GTF2IRD1: variants seen among roughly 807,000 people sequenced by gnomAD.
GTF2IRD1 encodes GTF2I repeat domain containing 1, also known as general transcription factor II-I repeat domain-containing protein 1.
A neutral mutation model predicts 113.2 loss-of-function variants in GTF2IRD1; 26 were observed. The observed-to-expected ratio is 0.23, with a 90% CI of 0.17 to 0.32. GTF2IRD1 has a LOEUF of 0.32. Ranked by LOEUF, GTF2IRD1 falls within the 10% of genes least tolerant of loss-of-function variation. The pLI is 1.00. For synonymous variants in GTF2IRD1, 484 were observed against 529.1 expected (o/e 0.91, Z 1.17); for missense variants, 864 against 1,280.8 (o/e 0.67, Z 4.97).
At chr7:74,542,975 G>C (rs1179003716) in intron 14 of GTF2IRD1, among the ~76,000 whole-genome samples, 3 of 152,148 alleles carry the variant, frequency 2.0e-5, no homozygotes, top group Non-Finnish European at 4.4e-5. Context: ...TCCCATGCAG[G>C]GTTCCTTCCC....
chr7:74,510,950 G>A (rs1297297143), intron 2 of GTF2IRD1, among the ~76,000 whole-genome samples: 6 of 151,932 alleles, frequency 3.9e-5, no homozygotes, highest in South Asian at 2.1e-4. Context: ...TCGGGAGGCC[G>A]AGGCAGGAGA....
intron 22 of GTF2IRD1, among the ~76,000 whole-genome samples, chr7:74,569,459 G>C (rs587749670): frequency 1.3e-5 from 2 of 152,314 alleles, no homozygotes; most frequent in South Asian, 2.1e-4. Flanking sequence ...TGGCCAGGTG[G>C]GGTTGTGCAG....
intron 1 of GTF2IRD1, among the ~76,000 whole-genome samples, chr7:74,497,322 G>T (rs1417661527): frequency 1.3e-5 from 2 of 152,136 alleles, no homozygotes; most frequent in African/African-American, 4.8e-5. Context: ...GAGTGCAGTT[G>T]CACAGTCACA....
intron 25 of GTF2IRD1, among the ~76,000 whole-genome samples, chr7:74,596,473 AAAAG>A (rs1802419883): frequency 6.6e-6 from 1 of 150,822 alleles, no homozygotes; most frequent in Non-Finnish European, 1.5e-5. Flanking sequence ...AAAAAAAAAA[AAAAG>A]AAAAAGAAAA....
chr7:74,468,676 C>CTCTG (rs1793889456), intron 1 of GTF2IRD1, among the ~76,000 whole-genome samples: 1 of 129,400 alleles, frequency 7.7e-6, no homozygotes, highest in Admixed American at 8.3e-5. Flanking sequence ...AAAAAAAAAA[C>CTCTG]TGTGTGTGTG....
intron 1 of GTF2IRD1, among the ~76,000 whole-genome samples, chr7:74,492,012 T>C (rs1445471444): frequency 6.6e-6 from 1 of 152,078 alleles, no homozygotes; most frequent in Admixed American, 6.6e-5. Context: ...TTTGTTTTTG[T>C]TTTTGTTTTG....
intron 6 of GTF2IRD1, among the ~76,000 whole-genome samples, chr7:74,520,961 C>G (rs1418989094): frequency 6.6e-6 from 1 of 151,034 alleles, no homozygotes; most frequent in Non-Finnish European, 1.5e-5. Context: ...GTGTTCTTAC[C>G]TGGAAAAGGT....
Position 74,557,652 on chromosome 7 carries a change from G to A in GTF2IRD1, c.2037G>A (p.Ala679=), listed in dbSNP as rs193094382. 1.4e-5 allele frequency: 23 copies of A among 1,613,052 alleles called. No individual in the cohort carries two copies. The highest frequency in any genetic ancestry group is 1.7e-4 in the Middle Eastern group (1 of 6,054). ...TGCGCTTTGCAGAAAATTATGACGC[G>A]AGGCTCTCACGGATCGACATCGCCA... ...KRQGFQENYD[A]RLSRIDIANT... The change falls in exon 20 of 27, where the codon GCG becomes GCA. Residue 679 remains alanine (A), a synonymous_variant. Transcript: ENST00000424337.
Position 74,558,994 on chromosome 7 carries a change from C to G in GTF2IRD1, c.2241C>G (p.Asn747Lys). 1 of 1,614,102 alleles carries G rather than the reference C, an allele frequency of 6.2e-7. No individual in the cohort carries two copies. Among genetic ancestry groups the G allele is most frequent in the Non-Finnish European group, 8.5e-7 (1 of 1,180,002 alleles). Reference sequence around the variant, plus strand: ...AGCCCTGTACCTTCGGCTCCCAGAACCTGGAGAGGATTCTTGCTGTGGCTG... The same window carrying G: ...AGCCCTGTACCTTCGGCTCCCAGAAGCTGGAGAGGATTCTTGCTGTGGCTG... ...FRKPCTFGSQ[N>K]LERILAVADK... The change falls in exon 21 of 27, where the codon AAC (asparagine) becomes AAG (lysine). Residue 747 changes from asparagine to lysine, a missense_variant. Asn to Lys is a moderately conservative substitution (Grantham distance 94). Around this residue, in one of 7 missense-constraint regions of GTF2IRD1, gnomAD observed 195 missense variants for 359.1 expected, o/e 0.54. Transcript: ENST00000424337.
chr7:74,496,443 TTGAG>T (rs1554337960), intron 1 of GTF2IRD1, among the ~76,000 whole-genome samples: 2 of 133,012 alleles, frequency 1.5e-5, no homozygotes, highest in African/African-American at 6.1e-5. Context: ...GTGTATGCAT[TTGAG>T]TGTGGGTGTG....
intron 22 of GTF2IRD1, among the ~76,000 whole-genome samples, chr7:74,585,774 C>T (rs1562893268): frequency 6.6e-6 from 1 of 151,670 alleles, no homozygotes; most frequent in African/African-American, 2.4e-5. Context: ...CCCAGATACT[C>T]GAGAGGCTGA....
At chr7:74,503,578 G>A (rs546073081) in intron 1 of GTF2IRD1, among the ~76,000 whole-genome samples, 4 of 151,806 alleles carry the variant, frequency 2.6e-5, no homozygotes, top group South Asian at 2.1e-4. Flanking sequence ...GGGAAACCCC[G>A]TCTCTACTAA....
Position 74,535,151 on chromosome 7 carries a change from C to T in GTF2IRD1, c.1300+13C>T, listed in dbSNP as rs1798218513. ...CGAATTTTCACAGGTATGTGGGGAC[C>T]ATCTAGTCCATTCTGAAGTTTCCGG... On this transcript the variant is annotated intron_variant, in intron 10 of 26. Coordinates refer to ENST00000424337, the MANE Select transcript of GTF2IRD1 (RefSeq NM_005685.4). 1 of 1,607,284 alleles carries T rather than the reference C, an allele frequency of 6.2e-7. No homozygotes were observed. Among genetic ancestry groups the T allele is most frequent in the South Asian group, 1.1e-5 (1 of 90,926 alleles).
chr7:74,522,921 A>G (rs1240017773), intron 7 of GTF2IRD1, among the ~76,000 whole-genome samples: 1 of 152,260 alleles, frequency 6.6e-6, no homozygotes, highest in African/African-American at 2.4e-5. Context: ...TGAACCAATG[A>G]TCACTTGTTA....
intron 1 of GTF2IRD1, among the ~76,000 whole-genome samples, chr7:74,463,581 G>T (rs971153789): frequency 2.6e-5 from 4 of 152,080 alleles, no homozygotes; most frequent in Non-Finnish European, 5.9e-5. Context: ...GCAGGGCTGT[G>T]AGACTCAGCT....
chr7:74,471,361 T>C (rs899712652), intron 1 of GTF2IRD1, among the ~76,000 whole-genome samples: 1 of 151,956 alleles, frequency 6.6e-6, no homozygotes, highest in African/African-American at 2.4e-5. Context: ...CCAAAAAAAT[T>C]AGCCGGGTGT....
intron 22 of GTF2IRD1, among the ~76,000 whole-genome samples, chr7:74,579,611 C>T (rs1554365561): frequency 8.2e-6 from 1 of 122,356 alleles, no homozygotes; most frequent in African/African-American, 2.9e-5. Flanking sequence ...GAGCAAGACT[C>T]CATCTTAAGA....
At chr7:74,466,495 C>T (rs782304169) in intron 1 of GTF2IRD1, among the ~76,000 whole-genome samples, 1 of 152,138 alleles carries the variant, frequency 6.6e-6, no homozygotes, top group Non-Finnish European at 1.5e-5. Context: ...CTGTGCCAGC[C>T]ACGATGAGCC....
chr7:74,557,767 C>T (rs1160877720), intron 20 of GTF2IRD1, 45 bp downstream of exon 20: 1 of 1,225,580 alleles, frequency 8.2e-7, no homozygotes, highest in African/African-American at 1.5e-5. Context: ...AGCTGCTGTG[C>T]ACAGAGAAGT....
Sources: gnomAD v4.1 joint callset for allele counts (sites outside exome capture counted in the v4.1 genomes callset) on GRCh38, gnomAD v4.1.1 for gene constraint, gnomAD v4.1.1 regional missense constraint, MANE v1.5 for transcripts, NCBI Gene and HGNC (gene_info 2026-07-23, HGNC 2026-07-21) for gene names.